Variants in GRIK2 observed in about 807,000 individuals in gnomAD.
The protein encoded by GRIK2 is glutamate ionotropic receptor kainate type subunit 2.
A neutral mutation model predicts 100.3 loss-of-function variants in GRIK2; 32 were observed. That is an observed-to-expected ratio of 0.32 (90% CI 0.24 to 0.43). The LOEUF (loss-of-function observed/expected upper bound fraction) is 0.43. GRIK2 is among the 20% of genes least tolerant of loss of function. GRIK2 has a pLI of 1.00. For synonymous variants in GRIK2, 417 were observed against 389.4 expected (o/e 1.07, Z -0.83); for missense variants, 843 against 1,114.9 (o/e 0.76, Z 3.47).
chr6:101,846,217 C>A (rs1470591187), intron 10 of GRIK2, among the ~76,000 whole-genome samples: 3 of 151,908 alleles, frequency 2.0e-5, no homozygotes, highest in African/African-American at 4.8e-5. Context: ...GGTGTCATAT[C>A]AAAAAATCCA....
intron 2 of GRIK2, among the ~76,000 whole-genome samples, chr6:101,523,850 G>C (rs770832428): frequency 7.3e-5 from 11 of 150,952 alleles, no homozygotes; most frequent in Non-Finnish European, 1.5e-4. Flanking sequence ...CTCCCAAATA[G>C]CTGGGATTAC....
intron 2 of GRIK2, among the ~76,000 whole-genome samples, chr6:101,460,886 T>C (rs1771271019): frequency 6.6e-6 from 1 of 152,194 alleles, no homozygotes; most frequent in Non-Finnish European, 1.5e-5. Context: ...AATAACAAAT[T>C]GACTCCTTAT....
At chr6:101,606,169 A>G (rs1207691500) in intron 2 of GRIK2, among the ~76,000 whole-genome samples, 1 of 151,992 alleles carries the variant, frequency 6.6e-6, no homozygotes, top group Admixed American at 6.6e-5. Context: ...AGACAGGTAC[A>G]TGACTCAAAC....
intron 5 of GRIK2, among the ~76,000 whole-genome samples, chr6:101,681,970 T>G (rs1459899340): frequency 1.3e-5 from 2 of 152,144 alleles, no homozygotes; most frequent in African/African-American, 4.8e-5. Flanking sequence ...CTAAAATTGA[T>G]GAGGACTGTA....
At chr6:101,524,718 GT>G (rs11339091) in intron 2 of GRIK2, among the ~76,000 whole-genome samples, 84,231 of 134,114 alleles carry the variant, frequency 0.63, 26,046 homozygotes, top group African/African-American at 0.81. Flanking sequence ...TTGCATGTTC[GT>G]TTTTTTTTTT....
intron 4 of GRIK2, among the ~76,000 whole-genome samples, chr6:101,651,591 T>G (rs927560035): frequency 2.0e-5 from 3 of 152,076 alleles, no homozygotes; most frequent in African/African-American, 7.2e-5. Flanking sequence ...AGGGCTACAA[T>G]TTTAAATAGG....
chr6:101,667,148 C>T (rs1562296485), intron 4 of GRIK2, among the ~76,000 whole-genome samples: 1 of 152,122 alleles, frequency 6.6e-6, no homozygotes. Context: ...TGTTATGCCA[C>T]ATATAAGATC....
At chr6:101,983,035 T>C (rs1477750991) in intron 14 of GRIK2, among the ~76,000 whole-genome samples, 1 of 151,886 alleles carries the variant, frequency 6.6e-6, no homozygotes, top group African/African-American at 2.4e-5. Flanking sequence ...TTTCACCTGC[T>C]ATGAATGAAG....
intron 7 of GRIK2, among the ~76,000 whole-genome samples, chr6:101,767,429 G>A (rs1288170508): frequency 6.6e-6 from 1 of 151,974 alleles, no homozygotes; most frequent in Non-Finnish European, 1.5e-5. Context: ...GGAGATAGAT[G>A]GATAAGATAT....
chr6:101,892,949 A>C (rs1787202593), intron 12 of GRIK2, among the ~76,000 whole-genome samples: 1 of 151,378 alleles, frequency 6.6e-6, no homozygotes, highest in African/African-American at 2.4e-5. Context: ...CCAAAAATCA[A>C]ATGAATTTGT....
At chr6:101,741,741 T>C (rs964411263) in intron 7 of GRIK2, among the ~76,000 whole-genome samples, 1 of 152,228 alleles carries the variant, frequency 6.6e-6, no homozygotes, top group African/African-American at 2.4e-5. Flanking sequence ...ATAAGATTTC[T>C]TTTTCATTTT....
At chr6:101,659,373 T>A (rs1769434940) in intron 4 of GRIK2, among the ~76,000 whole-genome samples, 1 of 152,200 alleles carries the variant, frequency 6.6e-6, no homozygotes, top group South Asian at 2.1e-4. Flanking sequence ...GGTCTGTATA[T>A]CTGTTTTGGT....
At chr6:101,922,125 TTCCTTCCTTCCTTCCC>T (rs1484068339) in intron 12 of GRIK2, among the ~76,000 whole-genome samples, 544 of 19,358 alleles carry the variant, frequency 0.028, 13 homozygotes, top group African/African-American at 0.1. Context: ...CCTTCCTTCC[TTCCTTCCTTCCTTCCC>T]TCCCTTCCTC....
chr6:101,842,300 G>T (rs1001988545), intron 10 of GRIK2, among the ~76,000 whole-genome samples: 4 of 151,804 alleles, frequency 2.6e-5, no homozygotes, highest in Admixed American at 2.6e-4. Context: ...CATTTCTCTT[G>T]CTTGGAAATT....
intron 2 of GRIK2, among the ~76,000 whole-genome samples, chr6:101,485,261 G>T (rs1302108369): frequency 6.6e-6 from 1 of 152,128 alleles, no homozygotes; most frequent in African/African-American, 2.4e-5. Context: ...TATCATAGAG[G>T]TTAAATTATT....
At chr6:101,579,592 C>T (rs963367857) in intron 2 of GRIK2, among the ~76,000 whole-genome samples, 1 of 152,008 alleles carries the variant, frequency 6.6e-6, no homozygotes, top group Non-Finnish European at 1.5e-5. Flanking sequence ...GTGGATCATG[C>T]CTGTAATCCC....
At chr6:101,600,052 T>C (rs1779129291) in intron 2 of GRIK2, among the ~76,000 whole-genome samples, 1 of 151,926 alleles carries the variant, frequency 6.6e-6, no homozygotes, top group Non-Finnish European at 1.5e-5. Flanking sequence ...ATTTAAATAT[T>C]TAATCTGTCT....
At chr6:101,914,470 G>A (rs554405678) in intron 12 of GRIK2, among the ~76,000 whole-genome samples, 1 of 151,468 alleles carries the variant, frequency 6.6e-6, no homozygotes, top group Non-Finnish European at 1.5e-5. Context: ...TCGGCAAGGG[G>A]CTATTCCAAG....
chr6:101,802,998 T>A (rs1382661809), intron 9 of GRIK2, among the ~76,000 whole-genome samples: 1 of 151,892 alleles, frequency 6.6e-6, no homozygotes, highest in Non-Finnish European at 1.5e-5. Flanking sequence ...GGTATGTGCC[T>A]ACTTAATGAA....
Sources: gnomAD v4.1 joint callset for allele counts (sites outside exome capture counted in the v4.1 genomes callset) on GRCh38, gnomAD v4.1.1 for gene constraint, MANE v1.5 for transcripts, NCBI Gene and HGNC (gene_info 2026-07-23, HGNC 2026-07-21) for gene names.